FAM117B: variants seen among roughly 807,000 people sequenced by gnomAD.
FAM117B encodes the protein protein FAM117B.
FAM117B carries 22 observed loss-of-function variants against 52.8 expected under a neutral mutation model. The observed-to-expected ratio is 0.42, with a 90% CI of 0.30 to 0.59. The LOEUF is 0.59. Among genes scored for constraint, FAM117B ranks in the 20% least tolerant of loss-of-function variants. The probability of loss-of-function intolerance (pLI) is 0.22; values close to 1 mark genes in which losing one functional copy is unlikely to be tolerated. For missense variants in FAM117B, 678 were observed against 802.6 expected, an observed-to-expected ratio of 0.84 and a Z score of 1.88; for synonymous variants, 309 against 324.1, an observed-to-expected ratio of 0.95 and a Z score of 0.50.
chr2:202,703,608 C>G (rs1455480722), intron 2 of FAM117B, among the ~76,000 whole-genome samples: 2 of 152,184 alleles, frequency 1.3e-5, no homozygotes, highest in Non-Finnish European at 2.9e-5. Context: ...TCCACTCTGG[C>G]CTCCCAAAGT....
In FAM117B at chr2:202,675,101, G is replaced by A. The variant is rs148411416; in HGVS notation, c.602-20780G>A. ...ATTTAAAAATTAGCCCAGGCATGGTGGCGCATGCCTGTAGTCTTAGCTACT... is the reference window on the plus strand; with the variant it reads ...ATTTAAAAATTAGCCCAGGCATGGTAGCGCATGCCTGTAGTCTTAGCTACT... On this transcript the variant is annotated intron_variant, in intron 1 of 7. Transcript: ENST00000392238. 3.3e-3 allele frequency among the ~76,000 whole-genome samples: 505 copies of A among 152,008 alleles called. 5 individuals carry two copies. The highest frequency in any genetic ancestry group is 0.011 in the African/African-American group (470 of 41,460).
intron 4 of FAM117B, among the ~76,000 whole-genome samples, chr2:202,746,151 A>G (rs753715853): frequency 6.6e-6 from 1 of 152,176 alleles, no homozygotes; most frequent in Non-Finnish European, 1.5e-5. Context: ...ATACACATAC[A>G]CATATCAGCA....
chr2:202,715,284 C>T (rs1384456586), intron 2 of FAM117B, among the ~76,000 whole-genome samples: 6 of 141,054 alleles, frequency 4.3e-5, no homozygotes, highest in African/African-American at 1.0e-4. Flanking sequence ...CGGGACGGGG[C>T]GGCTGGCCTG....
chr2:202,706,120 C>T (rs774984400), intron 2 of FAM117B, among the ~76,000 whole-genome samples: 20 of 152,282 alleles, frequency 1.3e-4, no homozygotes, highest in Non-Finnish European at 2.6e-4. Context: ...AACTCCTTGG[C>T]TCAAGGGATC....
At chr2:202,718,111 T>C (rs1348428615) in intron 2 of FAM117B, among the ~76,000 whole-genome samples, 3 of 152,148 alleles carry the variant, frequency 2.0e-5, no homozygotes, top group Non-Finnish European at 4.4e-5. Flanking sequence ...CAGTGTTCCC[T>C]TAAGGCCCAA....
At chr2:202,743,576 A>G (rs1691582405) in intron 4 of FAM117B, among the ~76,000 whole-genome samples, 3 of 152,222 alleles carry the variant, frequency 2.0e-5, no homozygotes, top group Admixed American at 2.0e-4. Flanking sequence ...TTCCTGAAAA[A>G]CAGTTCAAAA....
intron 1 of FAM117B, among the ~76,000 whole-genome samples, chr2:202,678,403 G>A (rs913810826): frequency 6.6e-6 from 1 of 152,156 alleles, no homozygotes; most frequent in Non-Finnish European, 1.5e-5. Context: ...CACATAGCCC[G>A]TGAAAAAACT....
At chr2:202,646,050 G>GA (rs5837828) in intron 1 of FAM117B, among the ~76,000 whole-genome samples, 40,480 of 145,946 alleles carry the variant, frequency 0.28, 5,995 homozygotes, top group East Asian at 0.55. Context: ...TTTTTGAGAT[G>GA]GAGTCTTGCT....
At chr2:202,739,479 C>T (rs532685809) in intron 4 of FAM117B, among the ~76,000 whole-genome samples, 20 of 133,248 alleles carry the variant, frequency 1.5e-4, no homozygotes, top group Non-Finnish European at 3.0e-4. Context: ...TCCCTCCCTT[C>T]CTTCCTAGGG....
chr2:202,644,282 T>C (rs1216272569), intron 1 of FAM117B, among the ~76,000 whole-genome samples: 1 of 152,118 alleles, frequency 6.6e-6, no homozygotes, highest in African/African-American at 2.4e-5. Context: ...TTTAAATAAC[T>C]TTTTGTGGTC....
At chr2:202,727,209 G>GC (rs1355729331) in intron 4 of FAM117B, among the ~76,000 whole-genome samples, 1 of 152,152 alleles carries the variant, frequency 6.6e-6, no homozygotes, top group African/African-American at 2.4e-5. Context: ...TAACAGTAAG[G>GC]CAGCAGGGCC....
intron 4 of FAM117B, among the ~76,000 whole-genome samples, chr2:202,749,740 G>A (rs916196093): frequency 2.0e-5 from 3 of 151,966 alleles, no homozygotes; most frequent in African/African-American, 7.3e-5. Context: ...ACCAGCCCGG[G>A]CAACATAGTG....
chr2:202,719,857 AG>A (rs2105785294), intron 2 of FAM117B, among the ~76,000 whole-genome samples: 1 of 152,248 alleles, frequency 6.6e-6, no homozygotes, highest in East Asian at 1.9e-4. Flanking sequence ...ATGTTTTTTA[AG>A]AGTGTAGACC....
chr2:202,726,493 A>G, intron 4 of FAM117B, 130 bp downstream of exon 4: 2 of 636,460 alleles, frequency 3.1e-6, no homozygotes, highest in Middle Eastern at 2.7e-4. Context: ...TAAATACTGA[A>G]TCACAGTCTT....
chr2:202,750,302 G>C (rs558516446), intron 4 of FAM117B, among the ~76,000 whole-genome samples: 2 of 152,148 alleles, frequency 1.3e-5, no homozygotes, highest in African/African-American at 4.8e-5. Context: ...CTTGAGCCCA[G>C]GAGTTTGAGG....
chr2:202,648,526 C>T (rs1559093795), intron 1 of FAM117B, among the ~76,000 whole-genome samples: 1 of 131,652 alleles, frequency 7.6e-6, no homozygotes, highest in African/African-American at 2.8e-5. Flanking sequence ...CCACCCCCCC[C>T]CCAAAACAAA....
At chr2:202,748,208 A>C (rs1691664388) in intron 4 of FAM117B, among the ~76,000 whole-genome samples, 1 of 152,188 alleles carries the variant, frequency 6.6e-6, no homozygotes, top group South Asian at 2.1e-4. Context: ...TTCAATAAAT[A>C]GTGCTGGGAA....
At position 202,635,600 on chromosome 2, in the gene FAM117B, C is replaced by T. The variant is rs763979958; in HGVS notation, c.413C>T (p.Pro138Leu). ...GCGCCTGGAGCTCGCGGGAGCCCCC[C>T]ACGGCCGCCGCCGCCGCCGCCGCTG... The part of the protein sequence containing the change: ...SAAPGARGSP[P>L]RPPPPPPLLG... Residue 138 changes from proline to leucine, a missense_variant, in exon 1 of 8, where the codon CCA becomes CTA. Transcript: ENST00000392238. 1.3e-5 allele frequency: 17 copies of T among 1,281,612 alleles called. No individual in the cohort carries two copies. In the South Asian group the frequency reaches 4.3e-4, roughly 32 times the overall value. The allele number at this position is 1,281,612 out of a possible 1,614,324, so 79.4% of individuals were successfully genotyped here. A position where few individuals can be genotyped will look rare whatever the true frequency, so the allele number is the denominator to read the frequency against.
At chr2:202,764,541 A>G (rs949387902) in intron 7 of FAM117B, among the ~76,000 whole-genome samples, 1 of 152,156 alleles carries the variant, frequency 6.6e-6, no homozygotes, top group Admixed American at 6.5e-5. Flanking sequence ...AAGTGCTGAA[A>G]TTACAGGTGT....
Sources: gnomAD v4.1 joint callset for allele counts (sites outside exome capture counted in the v4.1 genomes callset) on GRCh38, gnomAD v4.1.1 for gene constraint, MANE v1.5 for transcripts, NCBI Gene and HGNC (gene_info 2026-07-23, HGNC 2026-07-21) for gene names.